ALMS1: variants seen among roughly 807,000 people sequenced by gnomAD.
ALMS1 encodes centrosome-associated protein ALMS1.
A neutral mutation model predicts 352.2 loss-of-function variants in ALMS1; 271 were observed. The ratio of observed to expected loss-of-function variants is 0.77; its 90% CI spans 0.70 to 0.85. The LOEUF (loss-of-function observed/expected upper bound fraction) is 0.85, where lower values mean the gene tolerates loss of function less well. Among genes scored for constraint, ALMS1 ranks in the 40% least tolerant of loss-of-function variants. The pLI, the probability that ALMS1 is intolerant of heterozygous loss-of-function variation, is 0.00. For missense variants in ALMS1, 5,445 were observed against 4,870.7 expected, an observed-to-expected ratio of 1.12 and a Z score of -3.51; for synonymous variants, 1,865 against 1,761.2, an observed-to-expected ratio of 1.06 and a Z score of -1.48.
chr2:73,511,291 T>C (rs966499443), intron 10 of ALMS1, among the ~76,000 whole-genome samples: 2 of 151,982 alleles, frequency 1.3e-5, no homozygotes, highest in African/African-American at 4.8e-5. Flanking sequence ...CTCAGTTTTG[T>C]GCTTGAAACC....
intron 9 of ALMS1, among the ~76,000 whole-genome samples, chr2:73,465,150 A>G (rs1369963162): frequency 6.6e-6 from 1 of 150,540 alleles, no homozygotes; most frequent in East Asian, 1.9e-4. Flanking sequence ...TAAAGTTCAT[A>G]TGGAACCAAA....
In ALMS1 at chr2:73,450,600, T is replaced by G. The variant is rs1671913008; in HGVS notation, c.4073T>G (p.Leu1358Arg). 1.1e-5 allele frequency: 18 copies of G among 1,612,712 alleles called. No homozygotes were observed. Among genetic ancestry groups the G allele is most frequent in the Non-Finnish European group, 1.5e-5 (18 of 1,179,698 alleles). The part of the protein sequence containing the change: ...LPHSHPTEEA[L>R]KISVASEPVD... ...CATAGTCATCCAACTGAAGAGGCTC[T>G]GAAAATTTCAGTTGCCTCTGAACCA... The change falls in exon 8 of 23, where the codon CTG becomes CGG. Residue 1358 changes from leucine to arginine, a missense_variant. Leu to Arg is a moderately radical substitution (Grantham distance 102). Coordinates refer to ENST00000613296, the MANE Select transcript of ALMS1 (RefSeq NM_001378454.1).
At chr2:73,561,114 C>G (rs961686715) in intron 15 of ALMS1, among the ~76,000 whole-genome samples, 7 of 152,242 alleles carry the variant, frequency 4.6e-5, no homozygotes, top group African/African-American at 1.7e-4. Flanking sequence ...ATAACCGTTG[C>G]TATGCAACCC....
intron 1 of ALMS1, among the ~76,000 whole-genome samples, chr2:73,395,040 GTGTGTATA>G (rs770317568): frequency 5.4e-3 from 475 of 88,502 alleles, no homozygotes; most frequent in South Asian, 6.6e-3. Flanking sequence ...ATATATATGT[GTGTGTATA>G]TATATATATG....
In ALMS1 at chr2:73,386,430, C is replaced by G. The variant is rs6706235; in HGVS notation, c.324+238C>G. On this transcript the variant is annotated intron_variant, in intron 1 of 22. Transcript: ENST00000613296. ...GTGGGTCCTGGGCCTTTTGAACTCC[C>G]GTAGACGTTCAGGGGAGCCTGCATT... 0.33 allele frequency among the ~76,000 whole-genome samples: 49,997 copies of G among 151,974 alleles called. 8,648 individuals carry two copies. The highest frequency in any genetic ancestry group is 0.44 in the African/African-American group (18,287 of 41,440).
chr2:73,443,330 G>C (rs1671752451), intron 7 of ALMS1, among the ~76,000 whole-genome samples: 1 of 152,006 alleles, frequency 6.6e-6, no homozygotes, highest in Admixed American at 6.6e-5. Context: ...AGACCCTCTT[G>C]TCTCCTTGAT....
chr2:73,609,078 A>T (rs770789146), intron 22 of ALMS1, among the ~76,000 whole-genome samples: 2 of 152,232 alleles, frequency 1.3e-5, no homozygotes, highest in Non-Finnish European at 2.9e-5. Flanking sequence ...CTCACGGGGC[A>T]GGGTTGGTGT....
intron 14 of ALMS1, 120 bp from the exon 15 acceptor site, chr2:73,558,852 G>A: frequency 9.1e-7 from 1 of 1,098,538 alleles, no homozygotes; most frequent in African/African-American, 1.6e-5. Context: ...GCATTTCTGA[G>A]TCATCTTTTT....
chr2:73,413,907 A>C (rs548791197), intron 2 of ALMS1, among the ~76,000 whole-genome samples: 1 of 152,162 alleles, frequency 6.6e-6, no homozygotes, highest in Admixed American at 6.5e-5. Flanking sequence ...ATGTATCCTC[A>C]TGCCAATATT....
chr2:73,516,651 G>A (rs1304877947), intron 10 of ALMS1, among the ~76,000 whole-genome samples: 1 of 152,124 alleles, frequency 6.6e-6, no homozygotes, highest in African/African-American at 2.4e-5. Flanking sequence ...TAGACTCTTT[G>A]CCCTCACAAC....
chr2:73,493,369 A>ACG (rs1000282372), intron 10 of ALMS1, among the ~76,000 whole-genome samples: 1 of 151,618 alleles, frequency 6.6e-6, no homozygotes, highest in African/African-American at 2.4e-5. Context: ...ACACACACAC[A>ACG]CACACACAGA....
rs1670506819 is a variant in ALMS1 at position 73,385,903 on chromosome 2, T to TGAAGGA, written c.36_37insAAGGAG (p.Leu12_Glu13insLysGlu). 5 of 701,276 alleles carry TGAAGGA rather than the reference T, an allele frequency of 7.1e-6. No individual in the cohort carries two copies. In the Admixed American group the frequency reaches 1.1e-4, roughly 15 times the overall value. The allele number at this position is 701,276 out of a possible 1,614,324, so 43.4% of individuals were successfully genotyped here. On this transcript the variant is annotated inframe_insertion, in exon 1 of 23. Transcript: ENST00000613296. ...GAGGATCTGCCATGGCCGGGCGAGCTGGAGGAGGAGGAGGAGGAGGAGGAG... is the reference window on the plus strand; with the variant it reads ...GAGGATCTGCCATGGCCGGGCGAGCTGAAGGAGGAGGAGGAGGAGGAGGAGGAGGAG...
rs181216402 is a variant in ALMS1, at chr2:73,470,878, T to C, written c.7674+15583T>C. The C allele has an allele frequency of 2.6e-5, 4 of 151,964 alleles. No homozygotes were observed. The East Asian group carries it at 7.7e-4, about 29-fold the overall frequency. The allele number at this position is 151,964 out of a possible 1,614,324, so 9.4% of individuals were successfully genotyped here. A position where few individuals can be genotyped will look rare whatever the true frequency, so the allele number is the denominator to read the frequency against. On this transcript the variant is annotated intron_variant, in intron 9 of 22. Coordinates refer to ENST00000613296, the MANE Select transcript of ALMS1 (RefSeq NM_001378454.1). Reference sequence around the variant, plus strand: ...TTCTTTGTCTCTTGGGATGGTTTTTTATTTAAAGTCTATATCGTCTGATAG... The same window carrying C: ...TTCTTTGTCTCTTGGGATGGTTTTTCATTTAAAGTCTATATCGTCTGATAG...
At chr2:73,432,098 T>G (rs1409543067) in intron 6 of ALMS1, 100 bp from the exon 7 acceptor site, 1 of 887,874 alleles carries the variant, frequency 1.1e-6, no homozygotes, top group Admixed American at 1.9e-5. Context: ...AGGTTTGAAA[T>G]TAATATCTTA....
At chr2:73,547,424 C>G (rs1182526754) in intron 12 of ALMS1, among the ~76,000 whole-genome samples, 1 of 152,130 alleles carries the variant, frequency 6.6e-6, no homozygotes, top group Non-Finnish European at 1.5e-5. Context: ...TGCTGTGAAT[C>G]TCTTGTTTTT....
chr2:73,424,776 A>T lies in ALMS1; in HGVS notation c.1111A>T (p.Thr371Ser). Residue 371 changes from threonine (T) to serine (S), a missense_variant, in exon 5 of 23, where the codon ACT becomes TCT. Physicochemically the swap from Thr to Ser is moderately conservative, Grantham distance 58. Transcript: ENST00000613296. ...TGATAAAGATCAAGTTTCAGTTGCA[A>T]CTTCATTTGACATAACTGATGAAAA... is the stretch of plus-strand genomic sequence containing the variant. Reference protein sequence around the residue: ...LADKDQVSVATSFDITDENIA... With the variant: ...LADKDQVSVASSFDITDENIA... The T allele has an allele frequency of 6.2e-7, 1 of 1,613,794 alleles. No individual in the cohort carries two copies. The highest frequency in any genetic ancestry group is 8.5e-7 in the Non-Finnish European group (1 of 1,179,784).
chr2:73,533,369 T>G (rs1040259810), intron 11 of ALMS1, among the ~76,000 whole-genome samples: 18 of 152,308 alleles, frequency 1.2e-4, no homozygotes, highest in African/African-American at 4.3e-4. Context: ...TACAGGTAAG[T>G]AGTCTAGAGC....
In ALMS1 at chr2:73,432,239, G is replaced by C; in HGVS notation, c.1380G>C (p.Met460Ile). 6.2e-7 allele frequency: 1 copy of C among 1,613,638 alleles called. No homozygotes were observed. Among genetic ancestry groups the C allele is most frequent in the Non-Finnish European group, 8.5e-7 (1 of 1,179,680 alleles). ...AATATCACTCTTCAGATCTCAGAAT[G>C]TTGAGGATGTCTCCTGACACTGTGC... ...ESEYHSSDLR[M>I]LRMSPDTVPK... The change falls in exon 7 of 23, where the codon ATG (methionine) becomes ATC (isoleucine). Residue 460 changes from methionine to isoleucine, a missense_variant. By Grantham distance (10) the Met-to-Ile change is conservative. Coordinates refer to ENST00000613296, the MANE Select transcript of ALMS1 (RefSeq NM_001378454.1).
At chr2:73,440,614 G>A (rs1456024216) in intron 7 of ALMS1, among the ~76,000 whole-genome samples, 1 of 151,570 alleles carries the variant, frequency 6.6e-6, no homozygotes, top group South Asian at 2.1e-4. Context: ...TAGTAGAGAC[G>A]GGGTTTCATC....
Sources: allele counts gnomAD v4.1 joint callset (sites outside exome capture counted in the v4.1 genomes callset), GRCh38; gene constraint gnomAD v4.1.1; transcripts MANE v1.5; gene names NCBI Gene and HGNC (gene_info 2026-07-23, HGNC 2026-07-21).